Variants in TG observed in about 807,000 individuals in gnomAD.
The protein encoded by TG is thyroglobulin, also known as thyroid hormones.
Under a neutral mutation model 324.7 loss-of-function variants are expected in TG, and 270 were observed. The ratio of observed to expected loss-of-function variants is 0.83; its 90% CI spans 0.75 to 0.92. The LOEUF is 0.92. Ranked by LOEUF, TG falls within the 40% of genes least tolerant of loss-of-function variation. TG has a pLI of 0.00. For missense variants in TG, 3,591 were observed against 3,456.4 expected (o/e 1.04, Z -0.98); for synonymous variants, 1,401 against 1,327.0 (o/e 1.06, Z -1.21).
intron 41 of TG, among the ~76,000 whole-genome samples, chr8:133,079,130 C>T (rs777552057): frequency 1.5e-4 from 23 of 152,154 alleles, no homozygotes; most frequent in Non-Finnish European, 2.5e-4. Flanking sequence ...GTGATGCCCC[C>T]ACCAAGGACG....
intron 39 of TG, among the ~76,000 whole-genome samples, chr8:133,019,952 C>T (rs879618622): frequency 7.9e-5 from 12 of 152,178 alleles, no homozygotes; most frequent in Non-Finnish European, 1.0e-4. Flanking sequence ...AGACTGTGGA[C>T]GTGGTTTGCA....
At chr8:132,917,911 C>G (rs1387476677) in intron 20 of TG, among the ~76,000 whole-genome samples, 1 of 68,154 alleles carries the variant, frequency 1.5e-5, no homozygotes, top group African/African-American at 3.3e-5. Flanking sequence ...TTTTTAATTG[C>G]AAAAACCACA....
At chr8:132,996,073 A>AT (rs1832850902) in intron 35 of TG, among the ~76,000 whole-genome samples, 1 of 152,146 alleles carries the variant, frequency 6.6e-6, no homozygotes, top group African/African-American at 2.4e-5. Context: ...AGTAGTCTGG[A>AT]TGAAGTCCCT....
chr8:132,968,542 A>G (rs965653670), intron 31 of TG, among the ~76,000 whole-genome samples: 5 of 152,056 alleles, frequency 3.3e-5, no homozygotes, highest in African/African-American at 1.2e-4. Context: ...AGATGTTGTC[A>G]CCTTTCATTT....
At chr8:133,039,858 C>T (rs935650198) in intron 41 of TG, 2 of 1,424,630 alleles carry the variant, frequency 1.4e-6, no homozygotes, top group Non-Finnish European at 1.9e-6. Flanking sequence ...GTGCTCACCC[C>T]CCAGTTTCAG....
chr8:133,037,016 C>G (rs1324804629), intron 41 of TG: 3 of 152,212 alleles, frequency 2.0e-5, no homozygotes, highest in Admixed American at 6.5e-5. Context: ...CCACAGATGT[C>G]TCCTTGTATA....
At position 133,070,029 on chromosome 8, in the gene TG, A is replaced by AAAAAAAAAAAAAAAAC. The variant is rs376711807; in HGVS notation, c.7240-25014_7240-25013insAAAAAAAAAAAAAACA. On this transcript the variant is annotated intron_variant, in intron 41 of 47. Coordinates refer to ENST00000220616, the MANE Select transcript of TG (RefSeq NM_003235.5). ...AAAAAAAAAAAAAAAAAAAAAAAGAAAGAAAGAAAGAAAAGAAAAGAAGAA... is the reference window on the plus strand; with the variant it reads ...AAAAAAAAAAAAAAAAAAAAAAAGAAAAAAAAAAAAAAAAACAGAAAGAAAGAAAAGAAAAGAAGAA... Among the ~76,000 whole-genome samples, 15 of 109,800 alleles carry AAAAAAAAAAAAAAAAC rather than the reference A, an allele frequency of 1.4e-4. 2 individuals carry two copies. Among genetic ancestry groups the AAAAAAAAAAAAAAAAC allele is most frequent in the African/African-American group, 3.9e-4 (10 of 25,816 alleles). The allele number at this position is 109,800 out of a possible 152,430, so 72.0% of individuals were successfully genotyped here. A position where few individuals can be genotyped will look rare whatever the true frequency, so the allele number is the denominator to read the frequency against.
chr8:132,967,231 CATCCATCCATCCATCCATCT>C (rs1183403916), intron 30 of TG, among the ~76,000 whole-genome samples: 75 of 79,608 alleles, frequency 9.4e-4, no homozygotes, highest in African/African-American at 8.0e-3. Flanking sequence ...TCCATCCATC[CATCCATCCATCCATCCATCT>C]ATCCATCCAT....
Position 133,134,855 on chromosome 8 carries a change from C to G in TG, c.*61C>G. 2 of 1,292,372 alleles carry G rather than the reference C, an allele frequency of 1.5e-6. No homozygotes were observed. The highest frequency in any genetic ancestry group is 2.3e-6 in the Non-Finnish European group (2 of 888,096). The allele number at this position is 1,292,372 out of a possible 1,614,324, so 80.1% of individuals were successfully genotyped here. A position where few individuals can be genotyped will look rare whatever the true frequency, so the allele number is the denominator to read the frequency against. On this transcript the variant is annotated 3_prime_UTR_variant, in exon 48 of 48. Coordinates refer to ENST00000220616, the MANE Select transcript of TG (RefSeq NM_003235.5). ...CTGCCCACTATGGTCATCTTTTTCTCTAAAATAGCCACTTACCTTCAATAA... is the reference window on the plus strand; with the variant it reads ...CTGCCCACTATGGTCATCTTTTTCTGTAAAATAGCCACTTACCTTCAATAA...
intron 37 of TG, among the ~76,000 whole-genome samples, chr8:133,017,109 T>C (rs1424333747): frequency 1.3e-5 from 2 of 152,136 alleles, no homozygotes; most frequent in Admixed American, 1.3e-4. Context: ...TTGAGAAAGG[T>C]GTGGCTTTGA....
At chr8:133,022,293 C>A in intron 40 of TG, 143 bp downstream of exon 40, 1 of 1,053,302 alleles carries the variant, frequency 9.5e-7, no homozygotes. Flanking sequence ...ATATGGGAGA[C>A]CCTCCGGGGA....
chr8:132,905,273 T>C (rs542155934), intron 16 of TG, among the ~76,000 whole-genome samples: 2 of 152,342 alleles, frequency 1.3e-5, no homozygotes, highest in South Asian at 4.1e-4. Context: ...GCCTGCAGGC[T>C]GGTCCAGAGC....
At chr8:133,051,939 A>G (rs1243997927) in intron 41 of TG, among the ~76,000 whole-genome samples, 2 of 152,230 alleles carry the variant, frequency 1.3e-5, no homozygotes, top group Non-Finnish European at 2.9e-5. Flanking sequence ...TGTCGTAAGC[A>G]GCATAGGTGA....
At chr8:133,088,741 G>A (rs59047695) in intron 41 of TG, among the ~76,000 whole-genome samples, 1 of 152,154 alleles carries the variant, frequency 6.6e-6, no homozygotes, top group African/African-American at 2.4e-5. Flanking sequence ...TATACCAACA[G>A]GTAGTTTTGA....
chr8:132,941,946 A>G (rs1452915126), intron 26 of TG, among the ~76,000 whole-genome samples: 1 of 152,194 alleles, frequency 6.6e-6, no homozygotes, highest in Non-Finnish European at 1.5e-5. Flanking sequence ...AGGACTGGAC[A>G]TATTTGGTCC....
intron 41 of TG, among the ~76,000 whole-genome samples, chr8:133,085,075 A>ACCAGCT (rs904170616): frequency 5.9e-5 from 9 of 152,254 alleles, no homozygotes; most frequent in African/African-American, 2.2e-4. Context: ...CTTGGAGCAC[A>ACCAGCT]CCAGCTCCGC....
intron 45 of TG, 122 bp from the exon 46 acceptor site, chr8:133,131,690 G>T (rs1406579981): frequency 1.4e-6 from 2 of 1,411,664 alleles, no homozygotes; most frequent in East Asian, 4.8e-5. Flanking sequence ...AGGATACTTG[G>T]ATATGATATA....
intron 11 of TG, 75 bp from the exon 12 acceptor site, chr8:132,897,574 A>G (rs1050332781): frequency 1.1e-5 from 18 of 1,589,770 alleles, no homozygotes; most frequent in Non-Finnish European, 1.6e-5. Flanking sequence ...ACCAGGACAT[A>G]CGTGGTTGTT....
intron 34 of TG, among the ~76,000 whole-genome samples, chr8:132,974,477 C>T (rs546668122): frequency 5.3e-5 from 8 of 152,236 alleles, no homozygotes; most frequent in South Asian, 2.1e-4. Flanking sequence ...AAGACTGCAG[C>T]GTAGAAAGTT....
Sources: allele counts gnomAD v4.1 joint callset (sites outside exome capture counted in the v4.1 genomes callset), GRCh38; gene constraint gnomAD v4.1.1; transcripts MANE v1.5; gene names NCBI Gene and HGNC (gene_info 2026-07-23, HGNC 2026-07-21).